Variants in CFAP92 observed in about 807,000 individuals in gnomAD.
CFAP92 encodes the protein uncharacterized protein CFAP92.
CFAP92 carries 86 observed loss-of-function variants against 106.3 expected under a neutral mutation model. The observed-to-expected ratio is 0.81, with a 90% CI of 0.68 to 0.97. CFAP92 has a LOEUF of 0.97. Ranked by LOEUF, CFAP92 falls within the 50% of genes least tolerant of loss-of-function variation. The pLI is 0.00. For missense variants in CFAP92, 1,204 were observed against 1,283.8 expected (o/e 0.94, Z 0.95); for synonymous variants, 477 against 506.4 (o/e 0.94, Z 0.78).
chr3:128,973,484 C>CT (rs1379963804), intron 7 of CFAP92, among the ~76,000 whole-genome samples: 1 of 152,066 alleles, frequency 6.6e-6, no homozygotes, highest in Non-Finnish European at 1.5e-5. Flanking sequence ...TGGAGAAACT[C>CT]TGTCTCTACT....
At chr3:128,928,348 G>A (rs1937939654) in intron 12 of CFAP92, among the ~76,000 whole-genome samples, 1 of 152,182 alleles carries the variant, frequency 6.6e-6, no homozygotes, top group Non-Finnish European at 1.5e-5. Flanking sequence ...AAATGCAAAG[G>A]ACCCAAAGTA....
chr3:128,978,303 A>G (rs1440704352), intron 4 of CFAP92, 118 bp from the exon 5 acceptor site: 2 of 963,700 alleles, frequency 2.1e-6, no homozygotes, highest in South Asian at 1.7e-5. Context: ...ACACTAAAGT[A>G]AATATCACAA....
chr3:128,938,709 G>T (rs7616721), intron 10 of CFAP92, among the ~76,000 whole-genome samples: 7,242 of 151,786 alleles, frequency 0.048, 349 homozygotes, highest in African/African-American at 0.12. Context: ...AGCCAGGATG[G>T]TCTCCATCTC....
At chr3:128,991,649 G>A (rs1194159649) in intron 2 of CFAP92, 1 of 364,868 alleles carries the variant, frequency 2.7e-6, no homozygotes, top group Non-Finnish European at 3.9e-6. Flanking sequence ...CCTTTGCCCC[G>A]TCCTCACTTG....
At chr3:128,919,293 C>T (rs977277519) in intron 12 of CFAP92, among the ~76,000 whole-genome samples, 3 of 151,842 alleles carry the variant, frequency 2.0e-5, no homozygotes, top group Admixed American at 1.3e-4. Flanking sequence ...ACTTTCAACA[C>T]AAAGATACAG....
chr3:128,916,257 T>G lies in CFAP92; in HGVS notation c.2766A>C (p.Glu922Asp). 4.1e-6 allele frequency: 5 copies of G among 1,232,086 alleles called. No individual in the cohort carries two copies. Among genetic ancestry groups the G allele is most frequent in the Non-Finnish European group, 5.1e-6 (5 of 987,968 alleles). The allele number at this position is 1,232,086 out of a possible 1,614,324, so 76.3% of individuals were successfully genotyped here. Residue 922 changes from glutamate to aspartate, a missense_variant, in exon 13 of 16, where the codon GAA (glutamate) becomes GAC (aspartate). Physicochemically the swap from Glu to Asp is conservative, Grantham distance 45. Coordinates refer to ENST00000645291, the MANE Select transcript of CFAP92 (RefSeq NM_001394090.1). The part of the protein sequence containing the change: ...KHSFIQKNIT[E>D]AYQVSKKPPK... ...GAGGCTTCTTGCTGACCTGGTAGGC[T>G]TCTGTGATATTTTTCTGAAGAAAGA...
At chr3:129,001,117 G>T (rs1012402032) in intron 1 of CFAP92, among the ~76,000 whole-genome samples, 2 of 152,232 alleles carry the variant, frequency 1.3e-5, no homozygotes, top group Admixed American at 1.3e-4. Flanking sequence ...AGGGGGAAGA[G>T]TGACGCTTGG....
intron 9 of CFAP92, among the ~76,000 whole-genome samples, chr3:128,964,078 T>C (rs2107765764): frequency 6.6e-6 from 1 of 152,354 alleles, no homozygotes. Context: ...CCCACCTCTA[T>C]ACAGTCTGAT....
At chr3:128,997,883 C>T (rs1181924878), upstream of CFAP92, among the ~76,000 whole-genome samples, 1 of 152,228 alleles carries the variant, frequency 6.6e-6, no homozygotes, top group African/African-American at 2.4e-5. Flanking sequence ...AACTGCCAAA[C>T]TATCTTCCAC....
intron 11 of CFAP92, among the ~76,000 whole-genome samples, chr3:128,933,648 C>T (rs564349500): frequency 1.3e-5 from 2 of 152,358 alleles, no homozygotes; most frequent in South Asian, 4.1e-4. Flanking sequence ...ATCTGGTTTC[C>T]TCACCCTCAG....
the CFAP92 span, among the ~76,000 whole-genome samples, chr3:129,026,299 G>C: frequency 1.3e-5 from 2 of 152,182 alleles, no homozygotes; most frequent in East Asian, 3.8e-4. Context: ...CAGGCCCCTG[G>C]GGGTAAAAGC....
the CFAP92 span, among the ~76,000 whole-genome samples, chr3:129,013,258 CA>C: frequency 3.3e-5 from 5 of 152,016 alleles, no homozygotes; most frequent in African/African-American, 1.2e-4. Flanking sequence ...AAAAAAATGA[CA>C]AAAAATAAAA....
At chr3:128,925,505 T>C (rs1288666218) in intron 12 of CFAP92, among the ~76,000 whole-genome samples, 3 of 151,692 alleles carry the variant, frequency 2.0e-5, no homozygotes, top group Admixed American at 2.0e-4. Context: ...GGTTGAAGGA[T>C]GAAAAGGAGA....
intron 4 of CFAP92, 120 bp from the exon 5 acceptor site, chr3:128,978,305 A>C (rs1048683841): frequency 2.1e-6 from 2 of 951,768 alleles, no homozygotes; most frequent in South Asian, 3.3e-5. Flanking sequence ...ACTAAAGTAA[A>C]TATCACAATA....
At chr3:129,024,171 G>T in the CFAP92 span, among the ~76,000 whole-genome samples, 1 of 152,144 alleles carries the variant, frequency 6.6e-6, no homozygotes, top group African/African-American at 2.4e-5. Context: ...AGCCAGGAGA[G>T]GTGTCTTATT....
intron 4 of CFAP92, among the ~76,000 whole-genome samples, chr3:128,980,920 G>A (rs1315165044): frequency 1.3e-5 from 2 of 152,128 alleles, no homozygotes; most frequent in African/African-American, 4.8e-5. Flanking sequence ...CAGCCATGAG[G>A]GCTGGAATCC....
chr3:129,021,810 A>T, the CFAP92 span, among the ~76,000 whole-genome samples: 1 of 152,250 alleles, frequency 6.6e-6, no homozygotes, highest in Non-Finnish European at 1.5e-5. Context: ...GTGAGTATTT[A>T]CATATTGAAA....
intron 12 of CFAP92, among the ~76,000 whole-genome samples, chr3:128,923,498 C>T (rs558515652): frequency 2.6e-5 from 4 of 152,318 alleles, no homozygotes; most frequent in South Asian, 2.1e-4. Context: ...GGAATATCAT[C>T]GCCCCTGTTC....
At chr3:128,911,458 T>C (rs138964518) in intron 15 of CFAP92, among the ~76,000 whole-genome samples, 1,527 of 151,972 alleles carry the variant, frequency 0.01, 33 homozygotes, top group African/African-American at 0.035. Flanking sequence ...TTTGGAGACA[T>C]AGTCTCACTT....
Sources: gnomAD v4.1 joint callset for allele counts (sites outside exome capture counted in the v4.1 genomes callset) on GRCh38, gnomAD v4.1.1 for gene constraint, MANE v1.5 for transcripts, NCBI Gene and HGNC (gene_info 2026-07-23, HGNC 2026-07-21) for gene names.